MYT1L: variants seen among roughly 807,000 people sequenced by gnomAD.
The protein encoded by MYT1L is myelin transcription factor 1 like.
Under a neutral mutation model 126.7 loss-of-function variants are expected in MYT1L, and 12 were observed. That is an observed-to-expected ratio of 0.09 (90% confidence interval 0.06 to 0.15). MYT1L has a LOEUF of 0.15. Ranked by LOEUF, MYT1L falls within the 10% of genes least tolerant of loss-of-function variation. The pLI is 1.00. For missense variants in MYT1L, 979 were observed against 1,585.2 expected, an observed-to-expected ratio of 0.62 and a Z score of 6.49; for synonymous variants, 541 against 604.2, an observed-to-expected ratio of 0.90 and a Z score of 1.53.
Position 1,943,495 on chromosome 2 carries a change from C to T in MYT1L, c.153-161G>A, listed in dbSNP as rs113056182. Among the ~76,000 whole-genome samples, 15 of 152,092 alleles carry T rather than the reference C, an allele frequency of 9.9e-5. No homozygotes were observed. The highest frequency in any genetic ancestry group is 2.9e-4 in the African/African-American group (12 of 41,420). ...AGAGAGACATAACATACATGTTCCC[C>T]GAAGTGTGCTGAAATCTGTTAATGA... On this transcript the variant is annotated intron_variant, in intron 8 of 24. Coordinates refer to ENST00000647738, the MANE Select transcript of MYT1L (RefSeq NM_001303052.2). This position sits in a 1 kb window ranked among gnomAD's most constrained non-coding sequence, Gnocchi z 4.4.
intron 8 of MYT1L, among the ~76,000 whole-genome samples, chr2:1,958,653 G>A (rs550627450): frequency 4.6e-5 from 7 of 152,306 alleles, no homozygotes; most frequent in South Asian, 2.1e-4. Flanking sequence ...TTCTACACTC[G>A]TGATCCCGGT....
intron 3 of MYT1L, among the ~76,000 whole-genome samples, chr2:2,096,351 G>A (rs1035337734): frequency 6.6e-6 from 1 of 152,180 alleles, no homozygotes; most frequent in Non-Finnish European, 1.5e-5. Flanking sequence ...AGGAGCCCCC[G>A]CTCTGCTCCC....
intron 13 of MYT1L, among the ~76,000 whole-genome samples, chr2:1,909,620 C>T (rs1196258253): frequency 2.0e-5 from 3 of 152,146 alleles, no homozygotes; most frequent in Admixed American, 6.5e-5. Context: ...TGGTTTCAGC[C>T]GGATGATCTG....
intron 21 of MYT1L, among the ~76,000 whole-genome samples, chr2:1,817,933 G>GGGAGGTTCCGGGCAGCAAGTAGTTA (rs2037935162): frequency 6.6e-6 from 1 of 152,196 alleles, no homozygotes; most frequent in African/African-American, 2.4e-5. Context: ...TTTCAGTGCG[G>GGGAGGTTCCGGGCAGCAAGTAGTTA]GGAGGTTCCG....
chr2:2,149,792 T>G (rs2085454062), intron 3 of MYT1L, among the ~76,000 whole-genome samples: 1 of 151,460 alleles, frequency 6.6e-6, no homozygotes, highest in Non-Finnish European at 1.5e-5. Flanking sequence ...ATCCCAGGTC[T>G]GCATTTCAGG....
At chr2:1,882,253 G>A (rs573979153) in intron 18 of MYT1L, among the ~76,000 whole-genome samples, 1 of 152,248 alleles carries the variant, frequency 6.6e-6, no homozygotes, top group Non-Finnish European at 1.5e-5. Context: ...GAGCCCCAGT[G>A]GACGCTATGC....
At position 2,059,537 on chromosome 2, in the gene MYT1L, C is replaced by T. The variant is rs2070111166; in HGVS notation, c.-303-5414G>A. 6.6e-6 allele frequency among the ~76,000 whole-genome samples: 1 copy of T among 152,216 alleles called. No individual in the cohort carries two copies. ...TCCCCACTGAGGGTGGACATGCATG[C>T]AGTGAGTTCTCCACACAGTCCCTGC... On this transcript the variant is annotated intron_variant, in intron 3 of 24. Coordinates refer to ENST00000647738, the MANE Select transcript of MYT1L (RefSeq NM_001303052.2). This position sits in a 1 kb window ranked among gnomAD's most constrained non-coding sequence, Gnocchi z 4.7.
chr2:2,263,914 A>T (rs1367510769), intron 2 of MYT1L, among the ~76,000 whole-genome samples: 1 of 152,222 alleles, frequency 6.6e-6, no homozygotes, highest in African/African-American at 2.4e-5. Flanking sequence ...TGGGGTAACA[A>T]ATCTGCACAT....
At chr2:1,866,583 CAGGCAGAGAG>C (rs1243173456) in intron 18 of MYT1L, among the ~76,000 whole-genome samples, 3 of 60,042 alleles carry the variant, frequency 5.0e-5, no homozygotes, top group African/African-American at 2.1e-4. Context: ...GAGAGAGAGG[CAGGCAGAGAG>C]AGAGGGAGAG....
chr2:2,193,999 T>G (rs1048538111), intron 2 of MYT1L, among the ~76,000 whole-genome samples: 1 of 152,064 alleles, frequency 6.6e-6, no homozygotes, highest in African/African-American at 2.4e-5. Context: ...TGATTTAAAT[T>G]TTTTTGATAT....
chr2:1,919,370 A>T lies in MYT1L; in HGVS notation c.1484-2031T>A, dbSNP rs150858768. On this transcript the variant is annotated intron_variant, in intron 10 of 24. Coordinates refer to ENST00000647738, the MANE Select transcript of MYT1L (RefSeq NM_001303052.2). ...CAAGCAAACACAAAATAACCAAGCA[A>T]GCAAAGGGACCAACAATTTAACCAA... is the stretch of plus-strand genomic sequence containing the variant. Among the ~76,000 whole-genome samples the T allele has an allele frequency of 5.2e-3, 788 of 152,318 alleles. 4 individuals carry two copies. Among genetic ancestry groups the T allele is most frequent in the Middle Eastern group, 0.02 (6 of 294 alleles).
At chr2:1,856,253 C>T (rs1370321425) in intron 18 of MYT1L, among the ~76,000 whole-genome samples, 1 of 152,280 alleles carries the variant, frequency 6.6e-6, no homozygotes, top group East Asian at 1.9e-4. Context: ...TTGGACTTGA[C>T]CCCTTGTCCC....
chr2:2,189,332 T>TG (rs1428151465), intron 2 of MYT1L, among the ~76,000 whole-genome samples: 2 of 152,178 alleles, frequency 1.3e-5, no homozygotes, highest in Non-Finnish European at 2.9e-5. Flanking sequence ...TCATGGCCTT[T>TG]CGGGGGTCTT....
intron 2 of MYT1L, among the ~76,000 whole-genome samples, chr2:2,248,393 CTAG>C (rs2094574310): frequency 6.6e-6 from 1 of 151,942 alleles, no homozygotes; most frequent in Non-Finnish European, 1.5e-5. Context: ...AGTAAAAAGT[CTAG>C]TAAAGAAAAG....
At chr2:2,162,834 G>A (rs936724249) in intron 3 of MYT1L, among the ~76,000 whole-genome samples, 7 of 152,176 alleles carry the variant, frequency 4.6e-5, no homozygotes, top group East Asian at 1.9e-4. Flanking sequence ...ATTTACAGGC[G>A]TCGGAAATGT....
At chr2:1,937,752 G>A (rs766472755) in intron 9 of MYT1L, among the ~76,000 whole-genome samples, 4 of 151,862 alleles carry the variant, frequency 2.6e-5, no homozygotes, top group Non-Finnish European at 4.4e-5. Context: ...ATGGCAAGTC[G>A]AGAAGGCCCT....
At chr2:2,175,207 G>A (rs2090589504) in intron 2 of MYT1L, among the ~76,000 whole-genome samples, 1 of 152,242 alleles carries the variant, frequency 6.6e-6, no homozygotes, top group Admixed American at 6.5e-5. Flanking sequence ...TCTCTTGCCA[G>A]GGCGGTGCCC....
chr2:2,039,169 A>G (rs547732664), intron 4 of MYT1L, among the ~76,000 whole-genome samples: 7 of 152,314 alleles, frequency 4.6e-5, no homozygotes, highest in Admixed American at 1.3e-4. Context: ...TCATGGGGAC[A>G]TTATGGTTCA....
At chr2:2,024,510 T>C (rs1320413445) in intron 4 of MYT1L, among the ~76,000 whole-genome samples, 1 of 152,232 alleles carries the variant, frequency 6.6e-6, no homozygotes, top group African/African-American at 2.4e-5. Flanking sequence ...CAAATTAAAA[T>C]GTTTCCTAGA....
Sources: allele counts gnomAD v4.1 joint callset (sites outside exome capture counted in the v4.1 genomes callset), GRCh38; gene constraint gnomAD v4.1.1; non-coding constraint Gnocchi (gnomAD v3.1); transcripts MANE v1.5; gene names NCBI Gene and HGNC (gene_info 2026-07-23, HGNC 2026-07-21).